Variants in HDGFL2 observed in about 807,000 individuals in gnomAD.
HDGFL2 encodes the protein hepatoma-derived growth factor-related protein 2.
In HDGFL2, 36 loss-of-function variants were observed where a neutral mutation model predicts 77.1. The ratio of observed to expected loss-of-function variants is 0.47; its 90% CI spans 0.36 to 0.62. HDGFL2 has a LOEUF of 0.62. HDGFL2 is among the 20% of genes least tolerant of loss of function. The probability of loss-of-function intolerance (pLI) is 0.00; values close to 1 mark genes in which losing one functional copy is unlikely to be tolerated. For synonymous variants in HDGFL2, 463 were observed against 413.1 expected (o/e 1.12, Z -1.46); for missense variants, 976 against 973.4 (o/e 1.00, Z -0.04).
chr19:4,477,497 A>G (rs1428499978), intron 3 of HDGFL2, among the ~76,000 whole-genome samples: 2 of 152,188 alleles, frequency 1.3e-5, no homozygotes, highest in African/African-American at 4.8e-5. Flanking sequence ...CTGGAAGGAT[A>G]GGTCAGAAAT....
At chr19:4,475,719 G>A (rs1427579113) in intron 3 of HDGFL2, 136 bp downstream of exon 3, 6 of 1,120,500 alleles carry the variant, frequency 5.4e-6, no homozygotes, top group African/African-American at 1.6e-5. Context: ...TCTGGGCCCT[G>A]CAGGTGCTGA....
intron 6 of HDGFL2, among the ~76,000 whole-genome samples, chr19:4,492,593 ATG>A (rs1975547059): frequency 1.5e-5 from 2 of 135,738 alleles, no homozygotes; most frequent in South Asian, 4.7e-4. Flanking sequence ...GGTTTGTGGT[ATG>A]TGTGTTGTCT....
chr19:4,494,084 T>C, intron 8 of HDGFL2, 27 bp downstream of exon 8: 1 of 1,557,804 alleles, frequency 6.4e-7, no homozygotes. Context: ...GGGTCCCCTC[T>C]GGCGGCTCCT....
In HDGFL2 at chr19:4,501,902, TC is replaced by T; in HGVS notation, c.1917-6del. The T allele has an allele frequency of 6.9e-7, 1 of 1,443,180 alleles. No individual in the cohort carries two copies. Among genetic ancestry groups the T allele is most frequent in the Non-Finnish European group, 9.1e-7 (1 of 1,102,636 alleles). 89.4% of individuals were successfully genotyped at this position (1,443,180 alleles called of 1,614,324 possible). On this transcript the variant is annotated splice_polypyrimidine_tract_variant and splice_region_variant and intron_variant, in intron 15 of 15. Transcript: ENST00000616600. ...GGCATCCTCACACCGCCTTTGCTGT[TC>T]CCACCAGCAGCGTACGGGAGGGTCC...
Position 4,491,778 on chromosome 19 carries a change from G to A in HDGFL2, c.621G>A (p.Glu207=). The change falls in exon 6 of 16, where the codon GAG becomes GAA. Residue 207 remains glutamate (E), a synonymous_variant. Transcript: ENST00000616600. ...CTCTCCCCCAGGACTTCACACCTGA[G>A]AAGAAAGCAGCGGTCCGGGCGCCAC... ...EKTSDQDFTP[E]KKAAVRAPRR... 2 of 1,614,112 alleles carry A rather than the reference G, an allele frequency of 1.2e-6. No homozygotes were observed. The highest frequency in any genetic ancestry group is 1.7e-6 in the Non-Finnish European group (2 of 1,180,042).
intron 3 of HDGFL2, chr19:4,486,233 CTTG>C: frequency 6.6e-6 from 1 of 152,094 alleles, no homozygotes; most frequent in East Asian, 1.9e-4. Flanking sequence ...ACAGCTTGAG[CTTG>C]TTGTAACTGC....
chr19:4,502,055 C>G lies in HDGFL2; in HGVS notation c.*45C>G. The G allele has an allele frequency of 7.5e-7, 1 of 1,334,314 alleles. No individual in the cohort carries two copies. Among genetic ancestry groups the G allele is most frequent in the Non-Finnish European group, 1.0e-6 (1 of 962,472 alleles). The allele number at this position is 1,334,314 out of a possible 1,614,324, so 82.7% of individuals were successfully genotyped here. On this transcript the variant is annotated 3_prime_UTR_variant, in exon 16 of 16. Coordinates refer to ENST00000616600, the MANE Select transcript of HDGFL2 (RefSeq NM_001001520.3). ...AGCCCCCGCCCGAGCTCAGGCTGCC[C>G]CTCTCCTTCCCCGGCTCGCAGGAGA...
At chr19:4,483,936 C>G (rs1975290054) in intron 3 of HDGFL2, among the ~76,000 whole-genome samples, 1 of 151,720 alleles carries the variant, frequency 6.6e-6, no homozygotes, top group South Asian at 2.1e-4. Context: ...ACTACAGGCA[C>G]CTGCCACCAC....
intron 6 of HDGFL2, among the ~76,000 whole-genome samples, chr19:4,492,891 C>CTG (rs201839653): frequency 0.28 from 31,867 of 111,918 alleles, 4,694 homozygotes; most frequent in African/African-American, 0.47. Context: ...TGTGTGTTAT[C>CTG]TGTGGTGTGT....
At chr19:4,478,390 C>T (rs779480685) in intron 3 of HDGFL2, among the ~76,000 whole-genome samples, 11 of 151,784 alleles carry the variant, frequency 7.2e-5, no homozygotes, top group East Asian at 2.0e-4. Flanking sequence ...TTAGTAGAGA[C>T]GATGTTTCAC....
intron 1 of HDGFL2, among the ~76,000 whole-genome samples, chr19:4,473,064 G>C (rs1285689314): frequency 6.6e-6 from 1 of 151,152 alleles, no homozygotes. Context: ...GGGGGTTTGG[G>C]GGTGTTTGGG....
At chr19:4,481,339 C>T (rs1358132969) in intron 3 of HDGFL2, among the ~76,000 whole-genome samples, 1 of 152,022 alleles carries the variant, frequency 6.6e-6, no homozygotes, top group Non-Finnish European at 1.5e-5. Flanking sequence ...TACAGGCGCC[C>T]GCCACCACTC....
rs746214811 is a variant in HDGFL2 at position 4,499,611 on chromosome 19, A to G, written c.1696A>G (p.Met566Val). The G allele has an allele frequency of 6.3e-7, 1 of 1,595,008 alleles. No homozygotes were observed. Among genetic ancestry groups the G allele is most frequent in the South Asian group, 1.1e-5 (1 of 89,830 alleles). The change falls in exon 14 of 16, where the codon ATG becomes GTG. Residue 566 changes from methionine to valine, a missense_variant. Coordinates refer to ENST00000616600, the MANE Select transcript of HDGFL2 (RefSeq NM_001001520.3). ...GGTGCAGAAAGTGAACAAGGCTGGGATGGAGAAGGAGAAGGCCGAGGAGAA... is the reference window on the plus strand; with the variant it reads ...GGTGCAGAAAGTGAACAAGGCTGGGGTGGAGAAGGAGAAGGCCGAGGAGAA... ...EAVQKVNKAG[M>V]EKEKAEEKLA... is the part of the protein sequence containing the mutation.
intron 9 of HDGFL2, 141 bp from the exon 10 acceptor site, chr19:4,496,161 T>A: frequency 2.9e-6 from 2 of 691,924 alleles, no homozygotes; most frequent in East Asian, 5.5e-5. Context: ...CTCCCTCCTC[T>A]CCCATCCTGC....
intron 1 of HDGFL2, among the ~76,000 whole-genome samples, chr19:4,472,983 A>G (rs4807590): frequency 0.6 from 88,255 of 148,044 alleles, 26,291 homozygotes; most frequent in African/African-American, 0.7. Flanking sequence ...TTGGTGTATG[A>G]GGGTTTTGGG....
At chr19:4,495,043 A>AC (rs1975664443) in intron 9 of HDGFL2, among the ~76,000 whole-genome samples, 1 of 152,014 alleles carries the variant, frequency 6.6e-6, no homozygotes, top group South Asian at 2.1e-4. Context: ...AATAGAGTAG[A>AC]CCCTGAAGGT....
Position 4,501,191 on chromosome 19 carries a change from A to G in HDGFL2, c.1790A>G (p.Asp597Gly). ...CCTGTGACCCCTCTGTCCCACCCAG[A>G]TCTCTCAGCCCCAGTGAATGGCGAG... ...QEKAEDKPST[D>G]LSAPVNGEAT... The change falls in exon 15 of 16, where the codon GAT (aspartate) becomes GGT (glycine). Residue 597 changes from aspartate to glycine, a missense_variant and splice_region_variant. By Grantham distance (94) the Asp-to-Gly change is moderately conservative. This residue lies in a region of HDGFL2 where 229 missense variants were observed against 187.3 expected (regional missense o/e 1.22). Transcript: ENST00000616600. The G allele has an allele frequency of 6.2e-7, 1 of 1,613,266 alleles. No homozygotes were observed. Among genetic ancestry groups the G allele is most frequent in the Non-Finnish European group, 8.5e-7 (1 of 1,179,870 alleles).
chr19:4,482,933 C>T (rs901296834), intron 3 of HDGFL2, among the ~76,000 whole-genome samples: 1 of 151,978 alleles, frequency 6.6e-6, no homozygotes, highest in African/African-American at 2.4e-5. Flanking sequence ...GTGGAGGGAG[C>T]GACCAGGAAG....
chr19:4,485,768 G>A (rs1388962073), intron 3 of HDGFL2, among the ~76,000 whole-genome samples: 3 of 148,076 alleles, frequency 2.0e-5, no homozygotes, highest in Admixed American at 1.4e-4. Flanking sequence ...TCAATCTCGT[G>A]GGGTGCGGTA....
Sources: allele counts gnomAD v4.1 joint callset (sites outside exome capture counted in the v4.1 genomes callset), GRCh38; gene constraint gnomAD v4.1.1; regional missense constraint gnomAD v4.1.1; transcripts MANE v1.5; gene names NCBI Gene and HGNC (gene_info 2026-07-23, HGNC 2026-07-21).